The following DSE variants were observed in gnomAD, a reference collection of about 807,000 sequenced individuals.
The protein encoded by DSE is dermatan sulfate epimerase, also known as dermatan-sulfate epimerase.
In DSE, 36 loss-of-function variants were observed where a neutral mutation model predicts 84.4. That is an observed-to-expected ratio of 0.43 (90% confidence interval 0.33 to 0.56). The LOEUF is 0.56. DSE is among the 20% of genes least tolerant of loss of function. DSE has a pLI of 0.06. For synonymous variants in DSE, 410 were observed against 430.1 expected (o/e 0.95, Z 0.58); for missense variants, 862 against 1,169.6 (o/e 0.74, Z 3.84).
At chr6:116,312,006 A>G (rs1435798115) in intron 2 of DSE, among the ~76,000 whole-genome samples, 2 of 152,174 alleles carry the variant, frequency 1.3e-5, no homozygotes, top group Admixed American at 1.3e-4. Flanking sequence ...TGGTTTTCCA[A>G]TTAGGTTCTT....
chr6:116,332,865 A>AAG (rs1297809353), intron 2 of DSE, among the ~76,000 whole-genome samples: 1 of 152,168 alleles, frequency 6.6e-6, no homozygotes, highest in African/African-American at 2.4e-5. Context: ...AATGGACAAA[A>AAG]AGACTTCAGG....
intron 2 of DSE, among the ~76,000 whole-genome samples, chr6:116,308,873 C>T (rs1361016780): frequency 6.6e-6 from 1 of 151,968 alleles, no homozygotes; most frequent in Non-Finnish European, 1.5e-5. Context: ...CAGGTGTGAG[C>T]CACAGTGCCC....
chr6:116,279,926 T>A, intron 2 of DSE: 1 of 1,552,298 alleles, frequency 6.4e-7, no homozygotes, highest in Admixed American at 1.7e-5. Flanking sequence ...CCCTACAGTC[T>A]CACTAACATT....
intron 1 of DSE, among the ~76,000 whole-genome samples, chr6:116,389,001 A>G (rs1337863945): frequency 1.3e-5 from 2 of 152,184 alleles, no homozygotes; most frequent in East Asian, 1.9e-4. Flanking sequence ...GTTGAGAATA[A>G]ACAATGCATT....
chr6:116,260,233 CAG>C (rs1406333215), intron 2 of DSE, among the ~76,000 whole-genome samples: 1 of 152,098 alleles, frequency 6.6e-6, no homozygotes, highest in African/African-American at 2.4e-5. Context: ...CTCTAATAAT[CAG>C]TGATGTTGAG....
At chr6:116,337,339 T>C (rs951287113) in intron 2 of DSE, among the ~76,000 whole-genome samples, 1 of 152,164 alleles carries the variant, frequency 6.6e-6, no homozygotes, top group African/African-American at 2.4e-5. Flanking sequence ...TAGCTGGGCA[T>C]GGTGGCTCAT....
At chr6:116,336,362 AG>A (rs1168305638) in intron 2 of DSE, among the ~76,000 whole-genome samples, 1 of 152,194 alleles carries the variant, frequency 6.6e-6, no homozygotes, top group African/African-American at 2.4e-5. Flanking sequence ...ATAATTTGTA[AG>A]AGTTGTGTTA....
At chr6:116,419,490 T>G (rs77451969) in intron 2 of DSE, among the ~76,000 whole-genome samples, 1 of 152,206 alleles carries the variant, frequency 6.6e-6, no homozygotes, top group Non-Finnish European at 1.5e-5. Context: ...TTCAGGAGAC[T>G]TTTAGAATGA....
intron 2 of DSE, among the ~76,000 whole-genome samples, chr6:116,263,547 T>G (rs1269113602): frequency 6.6e-6 from 1 of 152,212 alleles, no homozygotes; most frequent in East Asian, 1.9e-4. Context: ...AAGTCTTGAT[T>G]CTTTATCCAG....
At position 116,438,042 on chromosome 6, in the gene DSE, A is replaced by G. The variant is rs1306361780; in HGVS notation, c.*697A>G. ...CACATATGCTTGGTTACTTGCATGC[A>G]TTCATTGGTTGTTCAATAAGTGAGA... On this transcript the variant is annotated 3_prime_UTR_variant, in exon 6 of 6. Transcript: ENST00000644252. 6.6e-6 allele frequency: 1 copy of G among 150,790 alleles called. No individual in the cohort carries two copies. The highest frequency in any genetic ancestry group is 1.5e-5 in the Non-Finnish European group (1 of 67,674). 9.3% of individuals were successfully genotyped at this position (150,790 alleles called of 1,614,324 possible).
At chr6:116,319,506 A>G (rs758518763) in intron 2 of DSE, among the ~76,000 whole-genome samples, 15 of 152,218 alleles carry the variant, frequency 9.9e-5, no homozygotes, top group Non-Finnish European at 1.9e-4. Context: ...AGCAAATCAC[A>G]TGGTCACATC....
intron 1 of DSE, among the ~76,000 whole-genome samples, chr6:116,398,093 C>G (rs1181525309): frequency 6.6e-6 from 1 of 152,128 alleles, no homozygotes; most frequent in African/African-American, 2.4e-5. Flanking sequence ...TTGAAAACCA[C>G]TGTTCGTTAT....
chr6:116,428,455 A>T (rs1002743162), intron 3 of DSE, among the ~76,000 whole-genome samples: 5 of 152,226 alleles, frequency 3.3e-5, no homozygotes, highest in African/African-American at 1.2e-4. Flanking sequence ...AAATAACATT[A>T]TTCCAAATAA....
At chr6:116,286,655 A>G (rs1472574308) in intron 2 of DSE, among the ~76,000 whole-genome samples, 1 of 152,164 alleles carries the variant, frequency 6.6e-6, no homozygotes, top group Non-Finnish European at 1.5e-5. Flanking sequence ...AATATTGTCT[A>G]TTTTGATATG....
At chr6:116,393,248 C>T (rs1781028364) in intron 1 of DSE, among the ~76,000 whole-genome samples, 3 of 152,296 alleles carry the variant, frequency 2.0e-5, no homozygotes, top group South Asian at 4.1e-4. Flanking sequence ...AAACCTCTAA[C>T]AAACACTTGA....
chr6:116,417,239 T>A (rs926645262), intron 2 of DSE, among the ~76,000 whole-genome samples: 5 of 152,216 alleles, frequency 3.3e-5, no homozygotes, highest in African/African-American at 1.2e-4. Context: ...TTATAAATGT[T>A]GTTTGATTCC....
intron 2 of DSE, among the ~76,000 whole-genome samples, chr6:116,304,962 T>C (rs956677908): frequency 6.6e-6 from 1 of 152,178 alleles, no homozygotes; most frequent in African/African-American, 2.4e-5. Context: ...ATCCTAGATA[T>C]CTCACTTGAG....
chr6:116,347,171 T>A (rs1040946823), intron 2 of DSE, among the ~76,000 whole-genome samples: 1 of 152,134 alleles, frequency 6.6e-6, no homozygotes, highest in Non-Finnish European at 1.5e-5. Flanking sequence ...GAGGAATCAA[T>A]ATCCTGAAAA....
At chr6:116,323,652 A>C (rs1256679666) in intron 2 of DSE, among the ~76,000 whole-genome samples, 1 of 152,258 alleles carries the variant, frequency 6.6e-6, no homozygotes, top group Non-Finnish European at 1.5e-5. Context: ...TGAACAACAC[A>C]AAGATTTTTA....
Sources: gnomAD v4.1 joint callset for allele counts (sites outside exome capture counted in the v4.1 genomes callset) on GRCh38, gnomAD v4.1.1 for gene constraint, MANE v1.5 for transcripts, NCBI Gene and HGNC (gene_info 2026-07-23, HGNC 2026-07-21) for gene names.